The following MTUS2 variants were observed in gnomAD, a reference collection of about 807,000 sequenced individuals.
The protein encoded by MTUS2 is microtubule-associated tumor suppressor candidate 2.
A neutral mutation model predicts 114.1 loss-of-function variants in MTUS2; 40 were observed. That is an observed-to-expected ratio of 0.35 (90% CI 0.27 to 0.46). MTUS2 has a LOEUF of 0.46. MTUS2 is among the 20% of genes least tolerant of loss of function. The pLI, the probability that MTUS2 is intolerant of heterozygous loss-of-function variation, is 1.00. For synonymous variants in MTUS2, 688 were observed against 672.0 expected (o/e 1.02, Z -0.37); for missense variants, 1,679 against 1,705.4 (o/e 0.98, Z 0.27).
intron 5 of MTUS2, among the ~76,000 whole-genome samples, chr13:29,171,237 T>C (rs143355387): frequency 1.2e-3 from 177 of 152,248 alleles, no homozygotes; most frequent in African/African-American, 4.1e-3. Context: ...CCATTTTTTG[T>C]TCAGGTTCTA....
At chr13:29,135,016 T>G (rs1489241337) in intron 5 of MTUS2, among the ~76,000 whole-genome samples, 1 of 152,246 alleles carries the variant, frequency 6.6e-6, no homozygotes, top group African/African-American at 2.4e-5. Context: ...TCCGAAAATA[T>G]TAAATGGACA....
chr13:28,845,479 A>G (rs1478320516), intron 2 of MTUS2, among the ~76,000 whole-genome samples: 1 of 152,174 alleles, frequency 6.6e-6, no homozygotes, highest in Non-Finnish European at 1.5e-5. Flanking sequence ...AAGGAAAACA[A>G]ATTTACCTAG....
chr13:29,234,699 G>T (rs1896464840), intron 5 of MTUS2, among the ~76,000 whole-genome samples: 1 of 136,664 alleles, frequency 7.3e-6, no homozygotes, highest in South Asian at 2.6e-4. Context: ...GGATTAGTCT[G>T]TTTCCCACTA....
intron 2 of MTUS2, among the ~76,000 whole-genome samples, chr13:28,996,921 TTATTTC>T (rs1885140494): frequency 6.6e-6 from 1 of 152,216 alleles, no homozygotes; most frequent in South Asian, 2.1e-4. Flanking sequence ...CTGATCTTAG[TTATTTC>T]TTGCCTTCTG....
chr13:29,374,252 G>A (rs1871412019), intron 8 of MTUS2, among the ~76,000 whole-genome samples: 2 of 152,154 alleles, frequency 1.3e-5, no homozygotes, highest in Admixed American at 6.5e-5. Context: ...CCAGAGAGAA[G>A]AAAGAATGTG....
chr13:29,163,909 C>G (rs1422698795), intron 5 of MTUS2, among the ~76,000 whole-genome samples: 1 of 152,146 alleles, frequency 6.6e-6, no homozygotes, highest in Non-Finnish European at 1.5e-5. Flanking sequence ...CCCTGATGCC[C>G]TAACAGGGTG....
chr13:29,160,498 C>T (rs1255668281), intron 5 of MTUS2, among the ~76,000 whole-genome samples: 3 of 152,158 alleles, frequency 2.0e-5, no homozygotes, highest in East Asian at 1.9e-4. Context: ...GGGCTGGGCG[C>T]GGTGGCTCAC....
intron 5 of MTUS2, among the ~76,000 whole-genome samples, chr13:29,244,891 G>T (rs550443901): frequency 2.7e-4 from 39 of 141,972 alleles, no homozygotes; most frequent in Non-Finnish European, 5.2e-4. Flanking sequence ...GGGAGGCGGA[G>T]CTTGCAGTGA....
rs1894021698 is a variant in MTUS2 at position 29,181,881 on chromosome 13, AAAT to A, written c.2644+80914_2644+80916del. On this transcript the variant is annotated intron_variant, in intron 5 of 15. Coordinates refer to ENST00000612955, the MANE Select transcript of MTUS2 (RefSeq NM_001033602.4). Reference sequence around the variant, plus strand: ...ACATTTTTTTCTTGCTGATAATAGAAAATAACTAACAGATACTCTTCTGGTATG... The same window carrying A: ...ACATTTTTTTCTTGCTGATAATAGAAAACTAACAGATACTCTTCTGGTATG... Among the ~76,000 whole-genome samples, 3 of 152,004 alleles carry A rather than the reference AAAT, an allele frequency of 2.0e-5. No individual in the cohort carries two copies. In the South Asian group the frequency reaches 6.2e-4, roughly 32 times the overall value.
chr13:29,458,510 G>A (rs1405919101), intron 9 of MTUS2, among the ~76,000 whole-genome samples: 1 of 150,692 alleles, frequency 6.6e-6, no homozygotes, highest in African/African-American at 2.5e-5. Context: ...TGAGGTAAGT[G>A]CTTTTTCCTT....
At chr13:29,113,381 G>T (rs368069412) in intron 5 of MTUS2, among the ~76,000 whole-genome samples, 1 of 152,136 alleles carries the variant, frequency 6.6e-6, no homozygotes, top group Non-Finnish European at 1.5e-5. Context: ...GACAGAATTC[G>T]CTACTATAGT....
intron 2 of MTUS2, among the ~76,000 whole-genome samples, chr13:28,990,624 A>AAAGGCACC (rs1884796183): frequency 6.6e-6 from 1 of 152,244 alleles, no homozygotes; most frequent in Non-Finnish European, 1.5e-5. Context: ...AAAGGATTGT[A>AAAGGCACC]AATGCACCAA....
At chr13:29,180,110 T>C (rs112855720) in intron 5 of MTUS2, among the ~76,000 whole-genome samples, 9 of 152,352 alleles carry the variant, frequency 5.9e-5, no homozygotes, top group African/African-American at 2.2e-4. Flanking sequence ...TGACTTTGAA[T>C]ATTTCCCTGT....
At chr13:28,823,934 AACTT>A (rs1318788968) in intron 1 of MTUS2, among the ~76,000 whole-genome samples, 1 of 152,160 alleles carries the variant, frequency 6.6e-6, no homozygotes, top group African/African-American at 2.4e-5. Flanking sequence ...ATTTCATGAG[AACTT>A]ACTGTCGCGA....
At chr13:29,418,716 A>G (rs914058240) in intron 8 of MTUS2, among the ~76,000 whole-genome samples, 7 of 152,130 alleles carry the variant, frequency 4.6e-5, no homozygotes, top group Admixed American at 4.6e-4. Context: ...ACTTACATAG[A>G]AGAAGGATCA....
At chr13:29,379,054 TGAA>T (rs1871981702) in intron 8 of MTUS2, among the ~76,000 whole-genome samples, 1 of 152,236 alleles carries the variant, frequency 6.6e-6, no homozygotes, top group Non-Finnish European at 1.5e-5. Context: ...TGCTGCCATG[TGAA>T]GAAGGACGTG....
Position 29,026,872 on chromosome 13 carries a change from T to G in MTUS2, c.2174T>G (p.Phe725Cys), listed in dbSNP as rs748319002. 38 of 1,600,390 alleles carry G rather than the reference T, an allele frequency of 2.4e-5. No homozygotes were observed. Among genetic ancestry groups the G allele is most frequent in the Non-Finnish European group, 3.1e-5 (36 of 1,178,710 alleles). Reference protein sequence around the residue: ...VSGIKPPGHPFSQMSEKFLQE... With the variant: ...VSGIKPPGHPCSQMSEKFLQE... ...GGAATCAAGCCCCCGGGACATCCTT[T>G]CAGTCAAATGAGTGAAAAGTTTTTG... Residue 725 changes from phenylalanine (F) to cysteine (C), a missense_variant, in exon 3 of 16, where the codon TTC (phenylalanine) becomes TGC (cysteine). Physicochemically the swap from Phe to Cys is radical, Grantham distance 205. Around this residue, in one of 3 missense-constraint regions of MTUS2, gnomAD observed 822 missense variants for 899.7 expected, o/e 0.91. Coordinates refer to ENST00000612955, the MANE Select transcript of MTUS2 (RefSeq NM_001033602.4).
At position 29,492,148 on chromosome 13, in the gene MTUS2, GTA is replaced by G. The variant is rs1338910939; in HGVS notation, c.3506-496_3506-495del. 6.5e-4 allele frequency among the ~76,000 whole-genome samples: 15 copies of G among 22,996 alleles called. 1 individual carries two copies. The highest frequency in any genetic ancestry group is 7.2e-3 in the East Asian group (2 of 278). The allele number at this position is 22,996 out of a possible 152,430, so 15.1% of individuals were successfully genotyped here. A position where few individuals can be genotyped will look rare whatever the true frequency, so the allele number is the denominator to read the frequency against. ...TGTATGTGATGTGTGTGGTAGGTGT[GTA>G]TGTGTGTGTGGTGTGTATGTGATGT... On this transcript the variant is annotated intron_variant, in intron 11 of 15. Coordinates refer to ENST00000612955, the MANE Select transcript of MTUS2 (RefSeq NM_001033602.4).
chr13:28,887,065 G>A (rs1006037140), intron 2 of MTUS2, among the ~76,000 whole-genome samples: 3 of 152,192 alleles, frequency 2.0e-5, no homozygotes, highest in Admixed American at 6.5e-5. Flanking sequence ...GGAGATCAGC[G>A]GAGGTTAAGG....
Sources: allele counts gnomAD v4.1 joint callset (sites outside exome capture counted in the v4.1 genomes callset), GRCh38; gene constraint gnomAD v4.1.1; regional missense constraint gnomAD v4.1.1; transcripts MANE v1.5; gene names NCBI Gene and HGNC (gene_info 2026-07-23, HGNC 2026-07-21).